GRID2: variants seen among roughly 807,000 people sequenced by gnomAD.
The protein encoded by GRID2 is glutamate ionotropic receptor delta type subunit 2, also known as glutamate receptor ionotropic, delta-2.
GRID2 carries 33 observed loss-of-function variants against 114.8 expected under a neutral mutation model. That is an observed-to-expected ratio of 0.29 (90% confidence interval 0.22 to 0.38). The LOEUF (loss-of-function observed/expected upper bound fraction) is 0.38. GRID2 is among the 10% of genes least tolerant of loss of function. The pLI, the probability that GRID2 is intolerant of heterozygous loss-of-function variation, is 1.00. For synonymous variants in GRID2, 505 were observed against 449.9 expected, an observed-to-expected ratio of 1.12 and a Z score of -1.55; for missense variants, 1,184 against 1,257.7, an observed-to-expected ratio of 0.94 and a Z score of 0.89.
chr4:93,159,564 A>G (rs1457695277), intron 4 of GRID2, among the ~76,000 whole-genome samples: 1 of 151,822 alleles, frequency 6.6e-6, no homozygotes, highest in African/African-American at 2.4e-5. Context: ...CTGATATAGT[A>G]AAAGAAAGAT....
At chr4:92,487,473 T>C (rs552954797) in intron 1 of GRID2, among the ~76,000 whole-genome samples, 1 of 152,210 alleles carries the variant, frequency 6.6e-6, no homozygotes, top group Non-Finnish European at 1.5e-5. Context: ...TGCCAGTTTC[T>C]TCATTTTCTT....
intron 2 of GRID2, among the ~76,000 whole-genome samples, chr4:93,022,200 G>A (rs921373071): frequency 6.6e-6 from 1 of 151,200 alleles, no homozygotes; most frequent in Non-Finnish European, 1.5e-5. Context: ...TCATACATAC[G>A]CATATACACA....
chr4:92,738,403 T>C (rs1736706181), intron 2 of GRID2, among the ~76,000 whole-genome samples: 1 of 152,090 alleles, frequency 6.6e-6, no homozygotes, highest in African/African-American at 2.4e-5. Flanking sequence ...ATCACAAAAA[T>C]TTAGGCTGTT....
chr4:93,393,964 T>C (rs1217320048), intron 8 of GRID2, among the ~76,000 whole-genome samples: 3 of 151,992 alleles, frequency 2.0e-5, no homozygotes, highest in African/African-American at 7.2e-5. Context: ...AATTAAGTTA[T>C]ATGGTTGTAA....
intron 2 of GRID2, among the ~76,000 whole-genome samples, chr4:92,826,665 T>G (rs1741725735): frequency 6.6e-6 from 1 of 152,158 alleles, no homozygotes; most frequent in South Asian, 2.1e-4. Flanking sequence ...CATTACATTA[T>G]TCTAGCTTTG....
chr4:92,475,192 T>TA (rs147234342), intron 1 of GRID2, among the ~76,000 whole-genome samples: 4,181 of 148,618 alleles, frequency 0.028, 188 homozygotes, highest in African/African-American at 0.097. Flanking sequence ...ATTTGCCTTT[T>TA]AAAAAAAAAA....
intron 8 of GRID2, among the ~76,000 whole-genome samples, chr4:93,309,111 G>C (rs958927083): frequency 6.6e-6 from 1 of 151,988 alleles, no homozygotes; most frequent in African/African-American, 2.4e-5. Flanking sequence ...TTATCATGTT[G>C]GTTTCCTGAA....
At chr4:93,380,713 A>G (rs1763770745) in intron 8 of GRID2, among the ~76,000 whole-genome samples, 1 of 152,098 alleles carries the variant, frequency 6.6e-6, no homozygotes, top group Non-Finnish European at 1.5e-5. Flanking sequence ...TCAATTTCAG[A>G]GGCAAAGGCT....
At chr4:92,580,390 A>C (rs939666873) in intron 1 of GRID2, among the ~76,000 whole-genome samples, 1 of 143,842 alleles carries the variant, frequency 7.0e-6, no homozygotes, top group Non-Finnish European at 1.6e-5. Flanking sequence ...TTTGAGATTT[A>C]TATTGGAAGA....
chr4:92,468,274 G>T (rs529162913), intron 1 of GRID2, among the ~76,000 whole-genome samples: 82 of 151,906 alleles, frequency 5.4e-4, no homozygotes, highest in African/African-American at 1.9e-3. Context: ...GTTTTTACTA[G>T]CTGAATTTTT....
At chr4:93,398,803 G>T (rs1765604621) in intron 9 of GRID2, among the ~76,000 whole-genome samples, 1 of 148,618 alleles carries the variant, frequency 6.7e-6, no homozygotes, top group South Asian at 2.1e-4. Context: ...TTGGGTGCCA[G>T]TTGAGTAACA....
chr4:93,520,127 A>G lies in GRID2; in HGVS notation c.2193+4716A>G, dbSNP rs1384038620. Among the ~76,000 whole-genome samples the G allele has an allele frequency of 4.6e-5, 7 of 152,304 alleles. No homozygotes were observed. In the South Asian group the frequency reaches 1.2e-3, roughly 27 times the overall value. The stretch of plus-strand genomic sequence containing the variant: ...CCCCAGTTTTATTCAGCTCTGGCTG[A>G]AAAATTCAGTGGACTTGAACCTGCT... On this transcript the variant is annotated intron_variant, in intron 13 of 15. Coordinates refer to ENST00000282020, the MANE Select transcript of GRID2 (RefSeq NM_001510.4).
Position 93,422,866 on chromosome 4 carries a change from C to G in GRID2, c.1443C>G (p.Tyr481Ter). 6.2e-7 allele frequency: 1 copy of G among 1,613,284 alleles called. No homozygotes were observed. The highest frequency in any genetic ancestry group is 8.5e-7 in the Non-Finnish European group (1 of 1,179,338). Residue 481 changes from tyrosine (Y) to a stop codon, truncating the protein, a stop_gained, in exon 10 of 16, where the codon TAC becomes TAG. Transcript: ENST00000282020. LOFTEE classifies it high-confidence loss of function. ...SIDVLDALSNYLGFNYEIYVA... is the reference protein window; with the variant it reads ...SIDVLDALSN ...ATGTTTTGGATGCCTTATCTAACTA[C>G]CTGGGTTTTAACTACGAAATTTACG... is the stretch of plus-strand genomic sequence containing the variant.
At chr4:92,789,651 T>G (rs1371779078) in intron 2 of GRID2, among the ~76,000 whole-genome samples, 1 of 151,948 alleles carries the variant, frequency 6.6e-6, no homozygotes, top group East Asian at 1.9e-4. Flanking sequence ...TATTTATAAT[T>G]TCTTGCTATA....
intron 13 of GRID2, among the ~76,000 whole-genome samples, chr4:93,565,914 T>C (rs1735364760): frequency 6.6e-6 from 1 of 152,188 alleles, no homozygotes; most frequent in Non-Finnish European, 1.5e-5. Flanking sequence ...TAGTATAATT[T>C]AGAGGCACTA....
At chr4:93,246,190 G>T (rs910199441) in intron 8 of GRID2, among the ~76,000 whole-genome samples, 1 of 152,114 alleles carries the variant, frequency 6.6e-6, no homozygotes, top group East Asian at 1.9e-4. Context: ...AGTCTTTATA[G>T]TTTAAGCCCA....
chr4:93,311,909 A>C lies in GRID2; in HGVS notation c.1245+73419A>C, dbSNP rs551680723. On this transcript the variant is annotated intron_variant, in intron 8 of 15. Coordinates refer to ENST00000282020, the MANE Select transcript of GRID2 (RefSeq NM_001510.4). ...CAAAAAACAGAGAAGGTTGAAAAGT[A>C]GTGAATGGATAAAAAATGAAGGTAG... Among the ~76,000 whole-genome samples the C allele has an allele frequency of 2.6e-5, 4 of 152,340 alleles. No homozygotes were observed. In the East Asian group the frequency reaches 7.7e-4, roughly 29 times the overall value.
chr4:92,789,500 T>C (rs1463188971), intron 2 of GRID2, among the ~76,000 whole-genome samples: 1 of 151,874 alleles, frequency 6.6e-6, no homozygotes, highest in Non-Finnish European at 1.5e-5. Flanking sequence ...TTGACTTGCC[T>C]GTCTCTTATG....
intron 2 of GRID2, among the ~76,000 whole-genome samples, chr4:92,664,879 A>G (rs1336408663): frequency 1.3e-5 from 2 of 150,796 alleles, no homozygotes; most frequent in South Asian, 2.1e-4. Flanking sequence ...TGTATGGAAT[A>G]TCTTTTTTAA....
Sources: allele counts gnomAD v4.1 joint callset (sites outside exome capture counted in the v4.1 genomes callset), GRCh38; gene constraint gnomAD v4.1.1; transcripts MANE v1.5; gene names NCBI Gene and HGNC (gene_info 2026-07-23, HGNC 2026-07-21).